Variants in MAP7D2 observed in about 807,000 individuals in gnomAD.
MAP7D2 encodes the protein MAP7 domain-containing protein 2.
In MAP7D2, 33 loss-of-function variants were observed where a neutral mutation model predicts 63.5. The observed-to-expected ratio is 0.52, with a 90% CI of 0.39 to 0.70. The LOEUF (loss-of-function observed/expected upper bound fraction) is 0.70. Ranked by LOEUF, MAP7D2 falls within the 30% of genes least tolerant of loss-of-function variation. MAP7D2 has a pLI of 0.00. For missense variants in MAP7D2, 626 were observed against 604.0 expected, an observed-to-expected ratio of 1.04 and a Z score of -0.38; for synonymous variants, 224 against 223.7, an observed-to-expected ratio of 1.00 and a Z score of -0.01.
intron 8 of MAP7D2, among the ~76,000 whole-genome samples, chrX:20,032,573 C>T (rs1170942293): frequency 2.7e-5 from 3 of 111,717 alleles, no homozygotes; most frequent in Non-Finnish European, 5.6e-5. Context: ...AATTTTTTCC[C>T]TCATATGGAA....
intron 11 of MAP7D2, among the ~76,000 whole-genome samples, chrX:20,015,787 A>C (rs2073364564): frequency 8.9e-6 from 1 of 112,404 alleles, no homozygotes; most frequent in Non-Finnish European, 1.9e-5. Context: ...ACAGTAACAC[A>C]TGCATCAATG....
chrX:20,042,852 C>T (rs2064696843), intron 7 of MAP7D2, among the ~76,000 whole-genome samples: 1 of 112,283 alleles, frequency 8.9e-6, no homozygotes, highest in African/African-American at 3.2e-5. Flanking sequence ...AGATTTCCTT[C>T]TCCTTGTTGT....
chrX:20,087,879 C>CTTTTTTT lies in MAP7D2; in HGVS notation c.131-23081_131-23075dup, dbSNP rs539620594. On this transcript the variant is annotated intron_variant, in intron 1 of 16. Transcript: ENST00000379643. Reference sequence around the variant, plus strand: ...ATGGATCCAGCAACTAATTTCTTTTCTTTTTTTTTTTTTTTTTTTTTTTTT... The same window carrying CTTTTTTT: ...ATGGATCCAGCAACTAATTTCTTTTCTTTTTTTTTTTTTTTTTTTTTTTTTTTTTTTT... Among the ~76,000 whole-genome samples, 57 of 52,865 alleles carry CTTTTTTT rather than the reference C, an allele frequency of 1.1e-3. 3 individuals are homozygous for CTTTTTTT. The highest frequency in any genetic ancestry group is 4.8e-3 in the East Asian group (8 of 1,673). 45.9% of individuals were successfully genotyped at this position (52,865 alleles called of 115,157 possible). A position where few individuals can be genotyped will look rare whatever the true frequency, so the allele number is the denominator to read the frequency against.
intron 10 of MAP7D2, among the ~76,000 whole-genome samples, chrX:20,021,194 G>A (rs1315093775): frequency 1.8e-5 from 2 of 111,535 alleles, no homozygotes; most frequent in East Asian, 5.6e-4. Flanking sequence ...TGGGGGCTGG[G>A]CCCTGTTGTG....
rs2065312927 is a variant in MAP7D2 at position 20,064,897 on chromosome X, G to C, written c.131-92C>G. On this transcript the variant is annotated intron_variant, in intron 1 of 16. Transcript: ENST00000379643. Reference sequence around the variant, plus strand: ...GCAACTGGGCATGGCACCCGAGTCTGACTGCACGTGCACATCATCCATCTC... The same window carrying C: ...GCAACTGGGCATGGCACCCGAGTCTCACTGCACGTGCACATCATCCATCTC... 4.3e-6 allele frequency: 3 copies of C among 697,237 alleles called. No homozygotes were observed. In the South Asian group the frequency reaches 7.0e-5, roughly 16 times the overall value. The allele number at this position is 697,237 out of a possible 1,213,427, so 57.5% of individuals were successfully genotyped here. A position where few individuals can be genotyped will look rare whatever the true frequency, so the allele number is the denominator to read the frequency against.
chrX:20,020,361 C>T (rs1170852338), intron 10 of MAP7D2, among the ~76,000 whole-genome samples: 1 of 111,782 alleles, frequency 8.9e-6, no homozygotes, highest in Non-Finnish European at 1.9e-5. Context: ...AGCTGCTTCT[C>T]ATTCATGACT....
At chrX:20,102,936 T>C (rs1303423120) in intron 1 of MAP7D2, among the ~76,000 whole-genome samples, 2 of 111,271 alleles carry the variant, frequency 1.8e-5, no homozygotes, top group Non-Finnish European at 3.8e-5. Flanking sequence ...ACAATCTCAT[T>C]GTACAGACAA....
chrX:20,088,479 T>TTG lies in MAP7D2; in HGVS notation c.131-23675_131-23674insCA, dbSNP rs2065977914. ...CCAGCTAATTTTCAGTTTTTTTTTT[T>TTG]TTTTTTTTTTTTTTTTTTTTTTTTT... On this transcript the variant is annotated intron_variant, in intron 1 of 16. Transcript: ENST00000379643. Among the ~76,000 whole-genome samples the TTG allele has an allele frequency of 4.5e-4, 13 of 28,971 alleles. 1 individual carries two copies. In the African/African-American group the frequency reaches 9.3e-3, roughly 21 times the overall value. 25.2% of individuals were successfully genotyped at this position (28,971 alleles called of 115,157 possible). A position where few individuals can be genotyped will look rare whatever the true frequency, so the allele number is the denominator to read the frequency against.
intron 10 of MAP7D2, among the ~76,000 whole-genome samples, chrX:20,018,837 CCT>C (rs2073519067): frequency 9.0e-6 from 1 of 111,110 alleles, no homozygotes; most frequent in Non-Finnish European, 1.9e-5. Flanking sequence ...CCTGGCTTCC[CCT>C]GTGTGAAACC....
At chrX:20,022,037 T>G (rs1002876116) in intron 10 of MAP7D2, among the ~76,000 whole-genome samples, 11 of 112,055 alleles carry the variant, frequency 9.8e-5, no homozygotes, top group Non-Finnish European at 1.3e-4. Context: ...AATGAAGCTA[T>G]GTTAGTCAAC....
At chrX:20,094,536 A>G (rs1428755108) in intron 1 of MAP7D2, among the ~76,000 whole-genome samples, 31 of 9,505 alleles carry the variant, frequency 3.3e-3, no homozygotes, top group South Asian at 0.014. Flanking sequence ...ATATATATAT[A>G]TATATGTATA....
At chrX:20,021,694 T>C (rs2073651896) in intron 10 of MAP7D2, 1 of 112,410 alleles carries the variant, frequency 8.9e-6, no homozygotes, top group Non-Finnish European at 1.9e-5. Flanking sequence ...ATAATTTTTA[T>C]CTTTTAAAAC....
At chrX:20,039,997 CAAAA>C (rs759631358) in intron 8 of MAP7D2, among the ~76,000 whole-genome samples, 2 of 29,804 alleles carry the variant, frequency 6.7e-5, no homozygotes, top group African/African-American at 1.4e-4. Context: ...GACTCCATCT[CAAAA>C]AAAAAAAAAA....
At chrX:20,020,307 CTCA>C (rs758989390) in intron 10 of MAP7D2, among the ~76,000 whole-genome samples, 1 of 111,172 alleles carries the variant, frequency 9.0e-6, no homozygotes, top group East Asian at 2.8e-4. Flanking sequence ...TGGAAAAATG[CTCA>C]TGTCTCGGGA....
rs765346012 is a variant in MAP7D2, at chrX:20,108,515, G to A, written c.130+8235C>T. On this transcript the variant is annotated intron_variant, in intron 1 of 16. Transcript: ENST00000379643. ...CTCCCAAAGTGCTGGGATTACAGGT[G>A]TGAGCCACTGCACCCCACCGAGGGC... is the stretch of plus-strand genomic sequence containing the variant. Among the ~76,000 whole-genome samples the A allele has an allele frequency of 1.0e-4, 11 of 110,018 alleles. No individual in the cohort carries two copies. In the East Asian group the frequency reaches 2.9e-3, roughly 29 times the overall value.
At chrX:20,109,739 C>T (rs910528760) in intron 1 of MAP7D2, among the ~76,000 whole-genome samples, 3 of 111,119 alleles carry the variant, frequency 2.7e-5, no homozygotes, top group Admixed American at 9.6e-5. Flanking sequence ...TTCAACCAAC[C>T]ACAGACTAAA....
intron 1 of MAP7D2, among the ~76,000 whole-genome samples, chrX:20,083,191 C>T (rs2065820221): frequency 8.9e-6 from 1 of 112,303 alleles, no homozygotes; most frequent in Non-Finnish European, 1.9e-5. Context: ...AGTAAAACTA[C>T]AGATTATGAT....
intron 1 of MAP7D2, among the ~76,000 whole-genome samples, chrX:20,065,110 A>C (rs1412233413): frequency 8.9e-6 from 1 of 111,748 alleles, no homozygotes; most frequent in Non-Finnish European, 1.9e-5. Context: ...AAGTACAGTA[A>C]GTGACAGACG....
chrX:20,085,968 T>C (rs1271897118), intron 1 of MAP7D2, among the ~76,000 whole-genome samples: 5 of 112,183 alleles, frequency 4.5e-5, no homozygotes, highest in South Asian at 3.7e-4. Flanking sequence ...TGCCTCAGCC[T>C]CCCAAAGTGC....
Sources: gnomAD v4.1 joint callset for allele counts (sites outside exome capture counted in the v4.1 genomes callset) on GRCh38, gnomAD v4.1.1 for gene constraint, MANE v1.5 for transcripts, NCBI Gene and HGNC (gene_info 2026-07-23, HGNC 2026-07-21) for gene names.